Variants in IFT43 observed in about 807,000 individuals in gnomAD.
IFT43 encodes the protein intraflagellar transport protein 43 homolog.
A neutral mutation model predicts 32.3 loss-of-function variants in IFT43; 33 were observed. The observed-to-expected ratio is 1.02, with a 90% CI of 0.77 to 1.37. The LOEUF is 1.37. Ranked by LOEUF, IFT43 falls within the 40% of genes most tolerant of loss-of-function variation. The pLI is 0.00. For synonymous variants in IFT43, 93 were observed against 98.2 expected (o/e 0.95, Z 0.31); for missense variants, 274 against 265.9 (o/e 1.03, Z -0.21).
chr14:76,043,920 G>A (rs766023221), intron 3 of IFT43, among the ~76,000 whole-genome samples: 1 of 152,112 alleles, frequency 6.6e-6, no homozygotes, highest in African/African-American at 2.4e-5. Context: ...ACCACTGGCT[G>A]TAAATCTAGT....
intron 2 of IFT43, among the ~76,000 whole-genome samples, chr14:76,008,828 T>C (rs1004417727): frequency 2.3e-4 from 35 of 152,222 alleles, no homozygotes; most frequent in African/African-American, 8.2e-4. Flanking sequence ...GTGTTCAAGC[T>C]GTTACTAATA....
intron 1 of IFT43, chr14:75,986,160 T>G: frequency 7.4e-7 from 1 of 1,350,042 alleles, no homozygotes; most frequent in Non-Finnish European, 9.7e-7. Flanking sequence ...AACAGATCGA[T>G]CACAGGGTGA....
At position 76,071,534 on chromosome 14, in the gene IFT43, A is replaced by G. The variant is rs186617546; in HGVS notation, c.296-10761A>G. 3.3e-5 allele frequency among the ~76,000 whole-genome samples: 5 copies of G among 152,310 alleles called. No individual in the cohort carries two copies. The East Asian group carries it at 9.6e-4, about 29-fold the overall frequency. ...AGCCTGTGGTGTAAATACTCCCACC[A>G]TGATTGATTTCAAACTCCCAACATG... On this transcript the variant is annotated intron_variant, in intron 5 of 8. Coordinates refer to ENST00000314067, the MANE Select transcript of IFT43 (RefSeq NM_001102564.3).
chr14:75,992,724 A>G (rs1386200975), intron 2 of IFT43, among the ~76,000 whole-genome samples: 1 of 151,864 alleles, frequency 6.6e-6, no homozygotes, highest in Non-Finnish European at 1.5e-5. Context: ...TTTTTTTTGT[A>G]GAGACGAAGA....
At chr14:76,037,147 C>T (rs1380071495) in intron 3 of IFT43, among the ~76,000 whole-genome samples, 2 of 150,798 alleles carry the variant, frequency 1.3e-5, no homozygotes, top group African/African-American at 2.4e-5. Context: ...TTTCTCTGTC[C>T]CTCATATTCC....
chr14:76,028,843 T>A (rs1218869850), intron 3 of IFT43, among the ~76,000 whole-genome samples: 1 of 152,240 alleles, frequency 6.6e-6, no homozygotes, highest in Non-Finnish European at 1.5e-5. Context: ...TATCACATTT[T>A]CTTCATCCAG....
chr14:75,990,569 T>C (rs1214004836), intron 2 of IFT43, among the ~76,000 whole-genome samples: 2 of 152,154 alleles, frequency 1.3e-5, no homozygotes. Context: ...GTCAAGTACA[T>C]AGTGTGTGAT....
chr14:76,048,780 G>C (rs1488990630), intron 3 of IFT43, among the ~76,000 whole-genome samples: 6 of 152,192 alleles, frequency 3.9e-5, no homozygotes, highest in African/African-American at 1.4e-4. Context: ...ACGTGTTGAA[G>C]TGGCAGGGTG....
chr14:76,003,394 G>A (rs1227617025), intron 2 of IFT43, among the ~76,000 whole-genome samples: 1 of 152,098 alleles, frequency 6.6e-6, no homozygotes, highest in African/African-American at 2.4e-5. Flanking sequence ...TTGGGAGGCC[G>A]AGGCGGGTGG....
chr14:76,061,004 T>G (rs1232615789), intron 5 of IFT43, among the ~76,000 whole-genome samples: 1 of 151,954 alleles, frequency 6.6e-6, no homozygotes, highest in Non-Finnish European at 1.5e-5. Flanking sequence ...TGGGTTTAAG[T>G]AATTCTCCTG....
At chr14:75,999,270 TATG>T (rs1566699654) in intron 2 of IFT43, among the ~76,000 whole-genome samples, 29 of 25,220 alleles carry the variant, frequency 1.1e-3, no homozygotes, top group African/African-American at 2.2e-3. Context: ...TATATATATA[TATG>T]TATATATATT....
chr14:76,061,727 C>T (rs573360156), intron 5 of IFT43, among the ~76,000 whole-genome samples: 1 of 152,146 alleles, frequency 6.6e-6, no homozygotes, highest in Non-Finnish European at 1.5e-5. Context: ...TTGATAGTAG[C>T]CTTTATATAG....
intron 3 of IFT43, chr14:76,038,025 A>G (rs142642489): frequency 1.3e-5 from 2 of 152,318 alleles, no homozygotes; most frequent in South Asian, 2.1e-4. Context: ...TTTTCAAGAA[A>G]CACAAAACAA....
chr14:76,061,909 CA>C (rs2140059219), intron 5 of IFT43, among the ~76,000 whole-genome samples: 1 of 152,178 alleles, frequency 6.6e-6, no homozygotes, highest in East Asian at 1.9e-4. Flanking sequence ...TGTCAGTGCT[CA>C]AAAAGTTTTG....
intron 2 of IFT43, among the ~76,000 whole-genome samples, chr14:76,010,084 C>G (rs1236404490): frequency 1.3e-5 from 2 of 152,166 alleles, no homozygotes; most frequent in South Asian, 4.1e-4. Context: ...GTGAGCCACC[C>G]TGCCCGGCCT....
intron 2 of IFT43, among the ~76,000 whole-genome samples, chr14:75,989,546 CCTTCCT>C (rs1372540855): frequency 6.6e-6 from 1 of 152,114 alleles, no homozygotes; most frequent in Non-Finnish European, 1.5e-5. Flanking sequence ...CCCCTTTTTA[CCTTCCT>C]CTGTCCATTT....
At chr14:76,001,763 T>C (rs1211650053) in intron 2 of IFT43, among the ~76,000 whole-genome samples, 1 of 152,198 alleles carries the variant, frequency 6.6e-6, no homozygotes, top group African/African-American at 2.4e-5. Context: ...CCAAGATCAA[T>C]GTGCTGGCAT....
At chr14:76,004,490 G>GTGAC (rs1249551102) in intron 2 of IFT43, among the ~76,000 whole-genome samples, 1 of 152,046 alleles carries the variant, frequency 6.6e-6, no homozygotes, top group East Asian at 1.9e-4. Flanking sequence ...TGACTATGAT[G>GTGAC]TGACTGTGTG....
chr14:75,994,094 T>C (rs1170824778), intron 2 of IFT43, among the ~76,000 whole-genome samples: 2 of 151,188 alleles, frequency 1.3e-5, no homozygotes, highest in African/African-American at 4.9e-5. Flanking sequence ...ATAGAAATTA[T>C]AGAAAGCCCT....
Sources: allele counts gnomAD v4.1 joint callset (sites outside exome capture counted in the v4.1 genomes callset), GRCh38; gene constraint gnomAD v4.1.1; transcripts MANE v1.5; gene names NCBI Gene and HGNC (gene_info 2026-07-23, HGNC 2026-07-21).